The following FAM171A1 variants were observed in gnomAD, a reference collection of about 807,000 sequenced individuals.
FAM171A1 encodes the protein family with sequence similarity 171 member A1.
Under a neutral mutation model 74.9 loss-of-function variants are expected in FAM171A1, and 23 were observed. The observed-to-expected ratio is 0.31, with a 90% CI of 0.22 to 0.44. FAM171A1 has a LOEUF of 0.44. Among genes scored for constraint, FAM171A1 ranks in the 20% least tolerant of loss-of-function variants. The pLI is 1.00. For missense variants in FAM171A1, 1,162 were observed against 1,159.2 expected (o/e 1.00, Z -0.03); for synonymous variants, 527 against 505.7 (o/e 1.04, Z -0.57).
At chr10:15,350,908 G>A (rs1332859774) in intron 1 of FAM171A1, among the ~76,000 whole-genome samples, 1 of 152,104 alleles carries the variant, frequency 6.6e-6, no homozygotes. Flanking sequence ...CTCCTAAAGT[G>A]CTGAGATTAC....
chr10:15,287,682 G>C (rs1203744741), intron 1 of FAM171A1, among the ~76,000 whole-genome samples: 1 of 152,118 alleles, frequency 6.6e-6, no homozygotes, highest in Admixed American at 6.5e-5. Context: ...CACCGTGCCT[G>C]GTTCCCCCAC....
At chr10:15,354,248 C>A (rs972917139) in intron 1 of FAM171A1, among the ~76,000 whole-genome samples, 1 of 152,084 alleles carries the variant, frequency 6.6e-6, no homozygotes, top group African/African-American at 2.4e-5. Flanking sequence ...GTAATCCCAG[C>A]AGTTAGGGAG....
upstream of FAM171A1, among the ~76,000 whole-genome samples, chr10:15,373,813 G>C (rs1836175536): frequency 6.6e-6 from 1 of 152,184 alleles, no homozygotes; most frequent in Non-Finnish European, 1.5e-5. Flanking sequence ...TGTGATCTTA[G>C]TATAGAGTTC....
intron 2 of FAM171A1, among the ~76,000 whole-genome samples, chr10:15,282,869 G>A (rs1042808209): frequency 6.6e-6 from 1 of 152,026 alleles, no homozygotes; most frequent in South Asian, 2.1e-4. Context: ...CTGGGGTCCT[G>A]TCTCAGGCCC....
At chr10:15,317,958 T>C (rs1835442313) in intron 1 of FAM171A1, among the ~76,000 whole-genome samples, 1 of 152,208 alleles carries the variant, frequency 6.6e-6, no homozygotes, top group Admixed American at 6.5e-5. Flanking sequence ...ACCTGGCTAA[T>C]TTTTAAAACA....
chr10:15,250,339 G>C (rs1163829557), intron 4 of FAM171A1, among the ~76,000 whole-genome samples: 1 of 152,192 alleles, frequency 6.6e-6, no homozygotes, highest in Non-Finnish European at 1.5e-5. Context: ...CCATGTTTCT[G>C]GTCCAAAGAT....
At chr10:15,229,657 C>A (rs111171984) in intron 5 of FAM171A1, among the ~76,000 whole-genome samples, 8 of 141,044 alleles carry the variant, frequency 5.7e-5, no homozygotes, top group African/African-American at 2.1e-4. Flanking sequence ...ACCATCATCA[C>A]CATTGTCACC....
rs1834937581 is a variant in FAM171A1, at chr10:15,279,410, C to G, written c.326-3463G>C. On this transcript the variant is annotated intron_variant, in intron 2 of 7. Transcript: ENST00000378116. ...ACTAGGGATGCAATCAAGCAGTGCC[C>G]AGGTGGGTGAAGGCAGCAGAGAGAC... Among the ~76,000 whole-genome samples the G allele has an allele frequency of 2.0e-5, 3 of 152,146 alleles. No homozygotes were observed. In the South Asian group the frequency reaches 6.2e-4, roughly 32 times the overall value.
chr10:15,254,877 C>T lies in FAM171A1; in HGVS notation c.421G>A (p.Ala141Thr), dbSNP rs919674698. ...VVQIVSGFQG[A>T]RPQPRVHFQR... ...AAATGAACGCGAGGCTGTGGCCGGGCACCTGCAGAGATTAACCTCCGAGTT... is the reference window on the plus strand; with the variant it reads ...AAATGAACGCGAGGCTGTGGCCGGGTACCTGCAGAGATTAACCTCCGAGTT... Residue 141 changes from alanine (A) to threonine (T), a missense_variant and splice_region_variant, in exon 4 of 8, where the codon GCC becomes ACC. Physicochemically the swap from Ala to Thr is moderately conservative, Grantham distance 58. Transcript: ENST00000378116. 6.2e-7 allele frequency: 1 copy of T among 1,613,060 alleles called. No individual in the cohort carries two copies. The highest frequency in any genetic ancestry group is 8.5e-7 in the Non-Finnish European group (1 of 1,179,168).
rs564178124 is a variant in FAM171A1 at position 15,235,771 on chromosome 10, T to C, written c.754+12868A>G. On this transcript the variant is annotated intron_variant, in intron 5 of 7. Coordinates refer to ENST00000378116, the MANE Select transcript of FAM171A1 (RefSeq NM_001010924.2). Reference sequence around the variant, plus strand: ...CATGATCAAACCCCAAACTCCAAATTTGAAAATCCTTGCAGATGATTCCCA... The same window carrying C: ...CATGATCAAACCCCAAACTCCAAATCTGAAAATCCTTGCAGATGATTCCCA... 2.0e-3 allele frequency among the ~76,000 whole-genome samples: 298 copies of C among 152,284 alleles called. 2 individuals are homozygous for C. The South Asian group carries it at 0.021, about 11-fold the overall frequency.
chr10:15,366,124 G>T (rs7912240), intron 1 of FAM171A1, among the ~76,000 whole-genome samples: 3,837 of 152,108 alleles, frequency 0.025, 159 homozygotes, highest in African/African-American at 0.088. Context: ...GTAGTTTCAT[G>T]TATTTATTTA....
At chr10:15,321,483 G>C (rs977605838) in intron 1 of FAM171A1, among the ~76,000 whole-genome samples, 5 of 152,164 alleles carry the variant, frequency 3.3e-5, no homozygotes, top group Non-Finnish European at 5.9e-5. Flanking sequence ...TTTTTTAAAA[G>C]CTTTTTTTTA....
At chr10:15,331,859 G>GTGTATATATATATATATATATATATATA (rs60559617) in intron 1 of FAM171A1, among the ~76,000 whole-genome samples, 1 of 44,954 alleles carries the variant, frequency 2.2e-5, no homozygotes, top group Non-Finnish European at 4.2e-5. Context: ...ATATATGTGT[G>GTGTATATATATATATATATATATATATA]TATATATATG....
At chr10:15,337,355 T>C (rs1407905724) in intron 1 of FAM171A1, among the ~76,000 whole-genome samples, 1 of 152,248 alleles carries the variant, frequency 6.6e-6, no homozygotes, top group Non-Finnish European at 1.5e-5. Context: ...TTCATCTTTT[T>C]GGTGGCTTAA....
intron 5 of FAM171A1, among the ~76,000 whole-genome samples, chr10:15,236,713 A>C (rs1200491096): frequency 6.6e-6 from 1 of 152,206 alleles, no homozygotes; most frequent in Admixed American, 6.5e-5. Flanking sequence ...AAAAGTACTG[A>C]ATTCTGAAAT....
chr10:15,217,034 A>T (rs1412435176), intron 6 of FAM171A1, among the ~76,000 whole-genome samples: 1 of 152,166 alleles, frequency 6.6e-6, no homozygotes, highest in African/African-American at 2.4e-5. Flanking sequence ...TAAAAACAAG[A>T]TCTTTCTCTA....
chr10:15,248,551 A>T, intron 5 of FAM171A1, 88 bp downstream of exon 5: 1 of 1,382,056 alleles, frequency 7.2e-7, no homozygotes, highest in South Asian at 1.5e-5. Context: ...CTTCAAGGAA[A>T]GGAGACTTCC....
chr10:15,329,199 A>G (rs1041171711), intron 1 of FAM171A1, among the ~76,000 whole-genome samples: 2 of 152,242 alleles, frequency 1.3e-5, no homozygotes, highest in African/African-American at 4.8e-5. Flanking sequence ...TAAAGGAGGT[A>G]TACTAACTTG....
intron 1 of FAM171A1, among the ~76,000 whole-genome samples, chr10:15,302,856 T>C (rs563837354): frequency 1.3e-5 from 2 of 152,354 alleles, no homozygotes; most frequent in South Asian, 4.1e-4. Context: ...AACAGCATGG[T>C]AAACTATGCT....
Sources: gnomAD v4.1 joint callset for allele counts (sites outside exome capture counted in the v4.1 genomes callset) on GRCh38, gnomAD v4.1.1 for gene constraint, MANE v1.5 for transcripts, NCBI Gene and HGNC (gene_info 2026-07-23, HGNC 2026-07-21) for gene names.